Variants in UVRAG observed in about 807,000 individuals in gnomAD.
UVRAG encodes UV radiation resistance-associated gene protein.
Under a neutral mutation model 78.0 loss-of-function variants are expected in UVRAG, and 19 were observed. That is an observed-to-expected ratio of 0.24 (90% CI 0.17 to 0.36). UVRAG has a LOEUF of 0.36. Among genes scored for constraint, UVRAG ranks in the 10% least tolerant of loss-of-function variants. UVRAG has a pLI of 1.00. For missense variants in UVRAG, 740 were observed against 853.8 expected, an observed-to-expected ratio of 0.87 and a Z score of 1.66; for synonymous variants, 323 against 324.6, an observed-to-expected ratio of 1.00 and a Z score of 0.05.
chr11:75,985,726 C>T (rs912980699), intron 8 of UVRAG, among the ~76,000 whole-genome samples: 5 of 151,996 alleles, frequency 3.3e-5, no homozygotes, highest in African/African-American at 7.3e-5. Flanking sequence ...AGGTAGGAGT[C>T]GAGATTATTT....
At chr11:75,975,728 C>T (rs1949224705) in intron 7 of UVRAG, among the ~76,000 whole-genome samples, 1 of 152,198 alleles carries the variant, frequency 6.6e-6, no homozygotes, top group Non-Finnish European at 1.5e-5. Flanking sequence ...TATCCTGAGA[C>T]TTTGCTGCAG....
intron 3 of UVRAG, among the ~76,000 whole-genome samples, chr11:75,864,770 A>G (rs1946501946): frequency 6.6e-6 from 1 of 152,248 alleles, no homozygotes; most frequent in Non-Finnish European, 1.5e-5. Context: ...ATACTAAAGG[A>G]TTAGGCAAAG....
chr11:75,941,161 AC>A (rs1434245949), intron 6 of UVRAG, among the ~76,000 whole-genome samples: 1 of 152,194 alleles, frequency 6.6e-6, no homozygotes, highest in African/African-American at 2.4e-5. Flanking sequence ...TCATTGACTT[AC>A]ACTCAAGAGC....
chr11:75,949,730 C>T (rs563573816), intron 6 of UVRAG, among the ~76,000 whole-genome samples: 21 of 147,394 alleles, frequency 1.4e-4, no homozygotes, highest in African/African-American at 5.3e-4. Flanking sequence ...CACACACACA[C>T]ATATACACAT....
At chr11:75,858,566 A>G (rs1471439910) in intron 2 of UVRAG, among the ~76,000 whole-genome samples, 3 of 152,230 alleles carry the variant, frequency 2.0e-5, no homozygotes, top group Non-Finnish European at 4.4e-5. Flanking sequence ...TATTGCATTG[A>G]ATAACTTTAT....
intron 13 of UVRAG, among the ~76,000 whole-genome samples, chr11:76,086,286 G>C (rs1951587879): frequency 6.6e-6 from 1 of 152,136 alleles, no homozygotes; most frequent in Admixed American, 6.5e-5. Context: ...GCTCACTCCT[G>C]CCCTAAAGTG....
intron 5 of UVRAG, among the ~76,000 whole-genome samples, chr11:75,899,566 C>T (rs922218664): frequency 2.1e-4 from 32 of 152,100 alleles, no homozygotes; most frequent in African/African-American, 7.5e-4. Context: ...ATCCATGATT[C>T]GAGCCCAGGT....
Position 75,828,444 on chromosome 11 carries a change from TAAA to T in UVRAG, c.117+12936_117+12938del, listed in dbSNP as rs113226743. On this transcript the variant is annotated intron_variant, in intron 1 of 14. Transcript: ENST00000356136. ...GGCAATATAGTGAGACCCCCATCTC[TAAA>T]AAAAAAAAAAAAAAAGACACCAGTC... Among the ~76,000 whole-genome samples, 366 of 114,998 alleles carry T rather than the reference TAAA, an allele frequency of 3.2e-3. 4 individuals carry two copies. Among genetic ancestry groups the T allele is most frequent in the African/African-American group, 0.01 (339 of 33,482 alleles). 75.4% of individuals were successfully genotyped at this position (114,998 alleles called of 152,430 possible).
chr11:76,066,396 T>C (rs921956912), intron 13 of UVRAG, among the ~76,000 whole-genome samples: 2 of 152,242 alleles, frequency 1.3e-5, no homozygotes, highest in South Asian at 2.1e-4. Flanking sequence ...TTAGAACTTC[T>C]GGCCCTACTT....
intron 6 of UVRAG, among the ~76,000 whole-genome samples, chr11:75,961,144 A>G (rs1021628852): frequency 1.3e-5 from 2 of 151,982 alleles, no homozygotes; most frequent in African/African-American, 4.8e-5. Flanking sequence ...CCACATCTAT[A>G]AATGATAGGA....
At chr11:76,077,501 CA>C (rs1487844855) in intron 13 of UVRAG, among the ~76,000 whole-genome samples, 1 of 152,070 alleles carries the variant, frequency 6.6e-6, no homozygotes, top group East Asian at 1.9e-4. Flanking sequence ...AATACAGTGC[CA>C]AAAATATATT....
At chr11:75,974,666 AAATGTCTTCT>A (rs1949198939) in intron 7 of UVRAG, among the ~76,000 whole-genome samples, 1 of 151,938 alleles carries the variant, frequency 6.6e-6, no homozygotes, top group Non-Finnish European at 1.5e-5. Context: ...GCGCCCGGCC[AAATGTCTTCT>A]TTTGAGAAGT....
At chr11:75,906,766 T>C (rs896874658) in intron 5 of UVRAG, among the ~76,000 whole-genome samples, 4 of 152,228 alleles carry the variant, frequency 2.6e-5, no homozygotes, top group Non-Finnish European at 5.9e-5. Flanking sequence ...TTTAGCACCA[T>C]TTGATGAAAA....
intron 5 of UVRAG, among the ~76,000 whole-genome samples, chr11:75,895,323 A>C (rs1181472052): frequency 6.6e-6 from 1 of 152,162 alleles, no homozygotes; most frequent in Admixed American, 6.5e-5. Flanking sequence ...CTAAAAGCTG[A>C]AATTACTTAT....
intron 6 of UVRAG, among the ~76,000 whole-genome samples, chr11:75,951,355 G>A (rs1029223362): frequency 2.7e-4 from 32 of 120,614 alleles, no homozygotes; most frequent in African/African-American, 1.1e-3. Flanking sequence ...GTGTGTGTGT[G>A]TGTGTATATA....
At chr11:76,097,697 A>T (rs939444391) in intron 13 of UVRAG, among the ~76,000 whole-genome samples, 4 of 152,174 alleles carry the variant, frequency 2.6e-5, no homozygotes, top group Admixed American at 2.6e-4. Context: ...GAATGAATAT[A>T]TGCTTCTAGG....
At chr11:76,043,607 A>AGT (rs1337934444) in intron 12 of UVRAG, among the ~76,000 whole-genome samples, 4 of 152,220 alleles carry the variant, frequency 2.6e-5, no homozygotes, top group African/African-American at 9.6e-5. Flanking sequence ...AACTTATGTA[A>AGT]GTATTTTTGT....
At chr11:75,820,612 C>T (rs951706448) in intron 1 of UVRAG, among the ~76,000 whole-genome samples, 1 of 152,186 alleles carries the variant, frequency 6.6e-6, no homozygotes, top group Admixed American at 6.5e-5. Flanking sequence ...GCCTTGGCCT[C>T]CCAAAGTGCT....
At position 75,860,720 on chromosome 11, in the gene UVRAG, G is replaced by A. The variant is rs547675958; in HGVS notation, c.236-1026G>A. The stretch of plus-strand genomic sequence containing the variant: ...GGTATTGTAAATTAGTATAATATTT[G>A]TATGTAACAATTTGGCAATATCTAT... On this transcript the variant is annotated intron_variant, in intron 2 of 14. Coordinates refer to ENST00000356136, the MANE Select transcript of UVRAG (RefSeq NM_003369.4). 8.6e-5 allele frequency among the ~76,000 whole-genome samples: 13 copies of A among 152,006 alleles called. No homozygotes were observed. In the South Asian group the frequency reaches 2.1e-3, roughly 24 times the overall value.
Sources: gnomAD v4.1 joint callset for allele counts (sites outside exome capture counted in the v4.1 genomes callset) on GRCh38, gnomAD v4.1.1 for gene constraint, MANE v1.5 for transcripts, NCBI Gene and HGNC (gene_info 2026-07-23, HGNC 2026-07-21) for gene names.